Variants in HPSE2 observed in about 807,000 individuals in gnomAD.
HPSE2 encodes inactive heparanase-2.
In HPSE2, 38 loss-of-function variants were observed where a neutral mutation model predicts 60.5. That is an observed-to-expected ratio of 0.63 (90% CI 0.48 to 0.82). The LOEUF is 0.82. HPSE2 is among the 40% of genes least tolerant of loss of function. The pLI, the probability that HPSE2 is intolerant of heterozygous loss-of-function variation, is 0.00. For synonymous variants in HPSE2, 295 were observed against 293.2 expected (o/e 1.01, Z -0.06); for missense variants, 713 against 740.4 (o/e 0.96, Z 0.43).
intron 2 of HPSE2, among the ~76,000 whole-genome samples, chr10:99,168,876 T>G (rs181799353): frequency 4.5e-4 from 69 of 152,302 alleles, no homozygotes; most frequent in Non-Finnish European, 8.4e-4. Context: ...ATACCCTTTT[T>G]CAGGTTAAGG....
intron 5 of HPSE2, among the ~76,000 whole-genome samples, chr10:98,701,824 G>C (rs1948418274): frequency 6.6e-6 from 1 of 151,826 alleles, no homozygotes. Flanking sequence ...ATATGTAAAG[G>C]AAAAAACCAG....
chr10:99,085,632 T>TA (rs371113979), intron 3 of HPSE2, among the ~76,000 whole-genome samples: 1 of 152,178 alleles, frequency 6.6e-6, no homozygotes, highest in East Asian at 1.9e-4. Flanking sequence ...GAGAGAAGGT[T>TA]AAAAAAATAA....
chr10:99,244,382 TTTATTATTA>T, the HPSE2 span, among the ~76,000 whole-genome samples: 494 of 134,148 alleles, frequency 3.7e-3, 2 homozygotes, highest in Middle Eastern at 0.023. Flanking sequence ...TTTTATTTCT[TTTATTATTA>T]TTATTATTAT....
chr10:98,664,276 C>T (rs572932889), intron 6 of HPSE2, among the ~76,000 whole-genome samples: 1 of 152,176 alleles, frequency 6.6e-6, no homozygotes, highest in South Asian at 2.1e-4. Context: ...CGGGTGATTC[C>T]ACCCACCCCC....
intron 3 of HPSE2, among the ~76,000 whole-genome samples, chr10:98,855,626 C>T (rs1403216491): frequency 6.6e-6 from 1 of 152,040 alleles, no homozygotes; most frequent in Non-Finnish European, 1.5e-5. Context: ...GTCCTGGGCT[C>T]AGACCATTAA....
intron 6 of HPSE2, among the ~76,000 whole-genome samples, chr10:98,657,613 A>C (rs1947109044): frequency 6.6e-6 from 1 of 152,224 alleles, no homozygotes; most frequent in South Asian, 2.1e-4. Context: ...CTGGGATTAC[A>C]GGCGTGAGCC....
At chr10:98,871,681 C>T (rs1230277153) in intron 3 of HPSE2, among the ~76,000 whole-genome samples, 1 of 151,940 alleles carries the variant, frequency 6.6e-6, no homozygotes, top group African/African-American at 2.4e-5. Context: ...AGGATTTGGA[C>T]AGGCAGATTT....
the HPSE2 span, among the ~76,000 whole-genome samples, chr10:99,301,638 G>A: frequency 6.6e-6 from 1 of 152,166 alleles, no homozygotes; most frequent in Non-Finnish European, 1.5e-5. Flanking sequence ...TCAAAGGTTA[G>A]GGAATAGCTC....
chr10:98,603,441 T>TTTTTTG (rs1945487729), intron 9 of HPSE2, among the ~76,000 whole-genome samples: 1 of 145,060 alleles, frequency 6.9e-6, no homozygotes, highest in Non-Finnish European at 1.5e-5. Context: ...GTTTTTTTGT[T>TTTTTTG]TTTTTTTTTG....
intron 4 of HPSE2, among the ~76,000 whole-genome samples, chr10:98,740,373 G>C (rs1241309270): frequency 6.6e-6 from 1 of 151,816 alleles, no homozygotes; most frequent in Non-Finnish European, 1.5e-5. Flanking sequence ...ATGGGGTCTT[G>C]CTATGCTGTG....
chr10:98,925,659 A>G (rs550694779), intron 3 of HPSE2, among the ~76,000 whole-genome samples: 18 of 152,296 alleles, frequency 1.2e-4, no homozygotes, highest in African/African-American at 3.1e-4. Context: ...TCATGAGGGT[A>G]AGTCCAGGCT....
chr10:98,664,829 C>T (rs932519357), intron 6 of HPSE2, among the ~76,000 whole-genome samples: 3 of 152,146 alleles, frequency 2.0e-5, no homozygotes, highest in Non-Finnish European at 4.4e-5. Flanking sequence ...CAAAGAAAGA[C>T]AAGCCCTCTC....
chr10:98,511,584 GTGTGTGTGTGTGTT>G (rs1232189364), intron 9 of HPSE2, among the ~76,000 whole-genome samples: 258 of 128,660 alleles, frequency 2.0e-3, no homozygotes, highest in Admixed American at 2.9e-3. Flanking sequence ...GTGTGTGTGT[GTGTGTGTGTGTGTT>G]TGTGTGTGTG....
chr10:99,048,047 G>T (rs75197398), intron 3 of HPSE2: 100,826 of 692,260 alleles, frequency 0.15, 8,069 homozygotes, highest in Admixed American at 0.24. Flanking sequence ...GTGGACTATA[G>T]AACCATATAT....
At chr10:99,241,273 A>T in the HPSE2 span, among the ~76,000 whole-genome samples, 1 of 152,120 alleles carries the variant, frequency 6.6e-6, no homozygotes, top group Non-Finnish European at 1.5e-5. Context: ...AACAACAACA[A>T]AAAAAACCTT....
At chr10:99,057,786 T>C (rs1292338049) in intron 3 of HPSE2, among the ~76,000 whole-genome samples, 1 of 152,210 alleles carries the variant, frequency 6.6e-6, no homozygotes, top group Non-Finnish European at 1.5e-5. Flanking sequence ...GCTGCAAAAA[T>C]ACACGCATGA....
At chr10:98,548,178 A>G (rs1243826472) in intron 9 of HPSE2, among the ~76,000 whole-genome samples, 6 of 152,218 alleles carry the variant, frequency 3.9e-5, no homozygotes, top group African/African-American at 1.4e-4. Flanking sequence ...AGAAGAACAT[A>G]TTACTCACTT....
chr10:98,767,393 T>C (rs935126572), intron 3 of HPSE2, among the ~76,000 whole-genome samples: 1 of 151,718 alleles, frequency 6.6e-6, no homozygotes, highest in African/African-American at 2.4e-5. Context: ...TAATAATACA[T>C]GCAGCATGAT....
the HPSE2 span, among the ~76,000 whole-genome samples, chr10:99,280,540 C>T: frequency 6.6e-6 from 1 of 152,138 alleles, no homozygotes; most frequent in Non-Finnish European, 1.5e-5. Flanking sequence ...AAGCTAACAA[C>T]GACAGAATTT....
Sources: gnomAD v4.1 joint callset for allele counts (sites outside exome capture counted in the v4.1 genomes callset) on GRCh38, gnomAD v4.1.1 for gene constraint, MANE v1.5 for transcripts, NCBI Gene and HGNC (gene_info 2026-07-23, HGNC 2026-07-21) for gene names.